Variants in NIBAN3 observed in about 807,000 individuals in gnomAD.
The protein encoded by NIBAN3 is protein Niban 3.
NIBAN3 carries 66 observed loss-of-function variants against 76.4 expected under a neutral mutation model. That is an observed-to-expected ratio of 0.86 (90% CI 0.71 to 1.06). The LOEUF is 1.06. NIBAN3 is among the 50% of genes least tolerant of loss of function. The pLI, the probability that NIBAN3 is intolerant of heterozygous loss-of-function variation, is 0.00. For missense variants in NIBAN3, 808 were observed against 810.7 expected (o/e 1.00, Z 0.04); for synonymous variants, 360 against 355.2 (o/e 1.01, Z -0.15).
At chr19:17,540,879 G>T (rs1044254073) in intron 9 of NIBAN3, among the ~76,000 whole-genome samples, 7 of 152,282 alleles carry the variant, frequency 4.6e-5, no homozygotes, top group South Asian at 4.1e-4. Flanking sequence ...AAATACAGGC[G>T]CACGCCACCA....
chr19:17,545,376 C>A, intron 12 of NIBAN3: 1 of 164,864 alleles, frequency 6.1e-6, no homozygotes, highest in South Asian at 1.8e-4. Context: ...CCCACAGGGT[C>A]GGTGGGTCTC....
rs1300225088 is a variant in NIBAN3 at position 17,553,608 on chromosome 19, C to T, written c.*1710C>T. The T allele has an allele frequency of 3.2e-6, 5 of 1,539,136 alleles. No individual in the cohort carries two copies. The highest frequency in any genetic ancestry group is 1.4e-5 in the African/African-American group (1 of 73,368). On this transcript the variant is annotated 3_prime_UTR_variant, in exon 15 of 15. Coordinates refer to ENST00000599164, the MANE Select transcript of NIBAN3 (RefSeq NM_001321827.2). ...CCTATTTCCCTCCAACCCCACCTTC[C>T]GAAATACATTTGCTCAATACATTTG...
At chr19:17,540,266 C>A in intron 8 of NIBAN3, 126 bp from the exon 9 acceptor site, 1 of 635,986 alleles carries the variant, frequency 1.6e-6, no homozygotes, top group Non-Finnish European at 2.4e-6. Flanking sequence ...GTTTTCTCAT[C>A]ATTACAATGG....
chr19:17,532,344 G>A lies in NIBAN3; in HGVS notation c.268G>A (p.Val90Ile). 1 of 1,614,170 alleles carries A rather than the reference G, an allele frequency of 6.2e-7. No homozygotes were observed. Among genetic ancestry groups the A allele is most frequent in the Non-Finnish European group, 8.5e-7 (1 of 1,180,022 alleles). Residue 90 changes from valine to isoleucine, a missense_variant, in exon 3 of 15, where the codon GTT becomes ATT. Val to Ile is a conservative substitution (Grantham distance 29, BLOSUM62 3). Transcript: ENST00000599164. ...ACCCCGGTGGCAGCCGATCTTCTGT[G>A]TTCTGCGTGGGGACGGCCGCCTAGA... The part of the protein sequence containing the change: ...HPPRWQPIFC[V>I]LRGDGRLEWF...
At chr19:17,534,715 C>T (rs529659172) in intron 4 of NIBAN3, among the ~76,000 whole-genome samples, 4 of 148,732 alleles carry the variant, frequency 2.7e-5, no homozygotes, top group South Asian at 2.1e-4. Flanking sequence ...GGCGTGAACC[C>T]GGGAGGCAGA....
chr19:17,527,185 G>T, upstream of NIBAN3: 2 of 1,536,774 alleles, frequency 1.3e-6, no homozygotes, highest in Non-Finnish European at 1.8e-6. Context: ...CCAGGGGAGT[G>T]GGGAGGACGC....
upstream of NIBAN3, among the ~76,000 whole-genome samples, chr19:17,525,333 CCCTT>C (rs1000909728): frequency 2.9e-5 from 4 of 135,734 alleles, no homozygotes; most frequent in Admixed American, 1.5e-4. Context: ...CTCCGTCCCT[CCCTT>C]CATTCATTCA....
upstream of NIBAN3, among the ~76,000 whole-genome samples, chr19:17,526,520 T>C (rs2075610447): frequency 6.6e-6 from 1 of 150,692 alleles, no homozygotes; most frequent in Non-Finnish European, 1.5e-5. Context: ...TGGTGGCGTG[T>C]GCCTGTGGGC....
chr19:17,548,255 C>T (rs962415690), intron 13 of NIBAN3, among the ~76,000 whole-genome samples: 4 of 152,140 alleles, frequency 2.6e-5, no homozygotes, highest in African/African-American at 9.7e-5. Context: ...CACAAGGGCA[C>T]GGAGCGGGAG....
chr19:17,553,433 G>A lies in NIBAN3; in HGVS notation c.*1535G>A. 1 of 1,614,174 alleles carries A rather than the reference G, an allele frequency of 6.2e-7. No homozygotes were observed. The highest frequency in any genetic ancestry group is 1.3e-5 in the African/African-American group (1 of 75,036). On this transcript the variant is annotated 3_prime_UTR_variant, in exon 15 of 15. Transcript: ENST00000599164. ...TTGGCAGCTTCTCTGCTGTCTTGCA[G>A]CTGCTTCCGGAGTGGGTTCCACAGG...
At chr19:17,539,099 G>A (rs1434281245) in intron 5 of NIBAN3, 51 bp from the exon 6 acceptor site, 4 of 1,483,500 alleles carry the variant, frequency 2.7e-6, no homozygotes, top group Admixed American at 2.1e-5. Context: ...CGGGCCATCG[G>A]GAGCCAGGCA....
downstream of NIBAN3, among the ~76,000 whole-genome samples, chr19:17,555,379 T>C (rs1476422556): frequency 6.6e-6 from 1 of 151,944 alleles, no homozygotes; most frequent in Non-Finnish European, 1.5e-5. Flanking sequence ...CATGGGGAAA[T>C]TGGGCGGCGC....
intron 14 of NIBAN3, among the ~76,000 whole-genome samples, chr19:17,551,092 A>G (rs1035270593): frequency 6.7e-6 from 1 of 149,964 alleles, no homozygotes; most frequent in Non-Finnish European, 1.5e-5. Context: ...TTTTCTTTTT[A>G]TTTATTTATT....
At chr19:17,530,531 CAAAAAA>C (rs558680407) in intron 1 of NIBAN3, among the ~76,000 whole-genome samples, 1 of 46,362 alleles carries the variant, frequency 2.2e-5, no homozygotes, top group Non-Finnish European at 4.6e-5. Flanking sequence ...GACTCCATCT[CAAAAAA>C]AAAAAAAAAA....
intron 8 of NIBAN3, 100 bp downstream of exon 8, chr19:17,539,865 T>A (rs892192486): frequency 2.8e-4 from 151 of 534,468 alleles, no homozygotes; most frequent in Non-Finnish European, 3.3e-4. Flanking sequence ...TTATGTAAAA[T>A]GGGGGCGTGG....
At chr19:17,544,580 C>T (rs1221842460) in intron 12 of NIBAN3, among the ~76,000 whole-genome samples, 1 of 152,210 alleles carries the variant, frequency 6.6e-6, no homozygotes, top group Non-Finnish European at 1.5e-5. Flanking sequence ...AAGGGCATTC[C>T]AGGCAGAGGG....
upstream of NIBAN3, chr19:17,523,487 G>A (rs749172247): frequency 3.5e-5 from 54 of 1,545,482 alleles, no homozygotes; most frequent in East Asian, 4.8e-4. Context: ...AGAGCTGAGC[G>A]GAAGCTCAGC....
Position 17,537,409 on chromosome 19 carries a change from T to C in NIBAN3, c.461T>C (p.Leu154Ser). ...ACTCAGGAAGAGCCTGACTCCCTCT[T>C]GGAAGTGCCTGTGAGCTTCCCGCTG... ...DHTQEEPDSLLEVPVSFPLFL... is the reference protein window; with the variant it reads ...DHTQEEPDSLSEVPVSFPLFL... Residue 154 changes from leucine (L) to serine (S), a missense_variant, in exon 5 of 15, where the codon TTG (leucine) becomes TCG (serine). By Grantham distance (145) the Leu-to-Ser change is moderately radical. Coordinates refer to ENST00000599164, the MANE Select transcript of NIBAN3 (RefSeq NM_001321827.2). 9 of 1,614,138 alleles carry C rather than the reference T, an allele frequency of 5.6e-6. No individual in the cohort carries two copies. The highest frequency in any genetic ancestry group is 7.6e-6 in the Non-Finnish European group (9 of 1,180,020).
At chr19:17,537,260 G>T (rs1252831913) in intron 4 of NIBAN3, 116 bp from the exon 5 acceptor site, 3 of 1,048,606 alleles carry the variant, frequency 2.9e-6, no homozygotes. Context: ...AAGTATCGTG[G>T]TATGACTCAT....
Sources: gnomAD v4.1 joint callset for allele counts (sites outside exome capture counted in the v4.1 genomes callset) on GRCh38, gnomAD v4.1.1 for gene constraint, MANE v1.5 for transcripts, NCBI Gene and HGNC (gene_info 2026-07-23, HGNC 2026-07-21) for gene names.